TBC1D1: variants seen among roughly 807,000 people sequenced by gnomAD.
TBC1D1 encodes TBC1 (tre-2/USP6, BUB2, cdc16) domain family, member 1.
A neutral mutation model predicts 125.6 loss-of-function variants in TBC1D1; 89 were observed. The observed-to-expected ratio is 0.71, with a 90% CI of 0.60 to 0.85. The LOEUF (loss-of-function observed/expected upper bound fraction) is 0.85. Ranked by LOEUF, TBC1D1 falls within the 40% of genes least tolerant of loss-of-function variation. TBC1D1 has a pLI of 0.00. For synonymous variants in TBC1D1, 565 were observed against 564.1 expected (o/e 1.00, Z -0.02); for missense variants, 1,377 against 1,469.2 (o/e 0.94, Z 1.03).
intron 2 of TBC1D1, among the ~76,000 whole-genome samples, chr4:37,975,476 G>T (rs1732877816): frequency 6.6e-6 from 1 of 152,200 alleles, no homozygotes; most frequent in Non-Finnish European, 1.5e-5. Flanking sequence ...ACAAGAGGTG[G>T]AGTAGTAGAG....
At chr4:38,064,138 C>T (rs1753263555) in intron 12 of TBC1D1, among the ~76,000 whole-genome samples, 1 of 152,162 alleles carries the variant, frequency 6.6e-6, no homozygotes, top group Admixed American at 6.5e-5. Flanking sequence ...TTTCAAAATT[C>T]ATTATGTCAT....
chr4:38,016,781 G>A (rs975663311), intron 3 of TBC1D1, among the ~76,000 whole-genome samples: 1 of 152,174 alleles, frequency 6.6e-6, no homozygotes, highest in Admixed American at 6.5e-5. Flanking sequence ...CATGAAAGTT[G>A]TTTTCATCAG....
At chr4:37,950,344 C>T (rs924007822) in intron 2 of TBC1D1, among the ~76,000 whole-genome samples, 1 of 151,920 alleles carries the variant, frequency 6.6e-6, no homozygotes, top group Non-Finnish European at 1.5e-5. Flanking sequence ...AAAACAGAAG[C>T]ATGCCTGATA....
At chr4:38,071,638 T>G (rs907522105) in intron 12 of TBC1D1, among the ~76,000 whole-genome samples, 1 of 152,202 alleles carries the variant, frequency 6.6e-6, no homozygotes, top group African/African-American at 2.4e-5. Flanking sequence ...GGTTCCTGCC[T>G]CATGCCGTTG....
Position 38,039,104 on chromosome 4 carries a change from C to CTTTTT in TBC1D1, c.1413+3433_1413+3437dup, listed in dbSNP as rs776941680. Among the ~76,000 whole-genome samples the CTTTTT allele has an allele frequency of 6.8e-3, 349 of 51,570 alleles. 95 individuals are homozygous for CTTTTT. The highest frequency in any genetic ancestry group is 8.1e-3 in the East Asian group (11 of 1,350). 33.8% of individuals were successfully genotyped at this position (51,570 alleles called of 152,430 possible). A position where few individuals can be genotyped will look rare whatever the true frequency, so the allele number is the denominator to read the frequency against. ...AATTTCTTATAAATGGCATCATACTCTTTTTTTTTTTTTTTTTTTTTTTTT... is the reference window on the plus strand; with the variant it reads ...AATTTCTTATAAATGGCATCATACTCTTTTTTTTTTTTTTTTTTTTTTTTTTTTTT... On this transcript the variant is annotated intron_variant, in intron 8 of 19. Transcript: ENST00000261439.
At chr4:38,133,278 AG>A (rs1327117887) in intron 19 of TBC1D1, 21 bp downstream of exon 21, 3 of 1,602,870 alleles carry the variant, frequency 1.9e-6, no homozygotes, top group Non-Finnish European at 2.6e-6. Context: ...TTTATAAAGC[AG>A]CTTCCTGAAT....
At chr4:37,958,927 T>C (rs1729426354) in intron 2 of TBC1D1, among the ~76,000 whole-genome samples, 1 of 152,190 alleles carries the variant, frequency 6.6e-6, no homozygotes, top group African/African-American at 2.4e-5. Context: ...TGTCTTCCAC[T>C]GGCACATCAT....
At position 38,138,652 on chromosome 4, in the gene TBC1D1, G is replaced by C. The variant is rs1578902409; in HGVS notation, c.*1317G>C. On this transcript the variant is annotated 3_prime_UTR_variant, in exon 20 of 20. Transcript: ENST00000261439. ...CCTCTCTGATGTGCACTTAAGAGTG[G>C]GTTGCTTTCTCACAAAGATGGGGTT... is the stretch of plus-strand genomic sequence containing the variant. The C allele has an allele frequency of 6.6e-6, 1 of 152,610 alleles. No homozygotes were observed. Among genetic ancestry groups the C allele is most frequent in the Admixed American group, 6.5e-5 (1 of 15,270 alleles). 9.5% of individuals were successfully genotyped at this position (152,610 alleles called of 1,614,324 possible). A position where few individuals can be genotyped will look rare whatever the true frequency, so the allele number is the denominator to read the frequency against.
At chr4:37,927,874 C>T (rs1286686309) in intron 2 of TBC1D1, among the ~76,000 whole-genome samples, 2 of 152,208 alleles carry the variant, frequency 1.3e-5, no homozygotes, top group East Asian at 1.9e-4. Context: ...GAATAGCCAC[C>T]GCACTCCATC....
chr4:38,047,628 C>G (rs1261654202), intron 10 of TBC1D1, among the ~76,000 whole-genome samples: 2 of 152,054 alleles, frequency 1.3e-5, no homozygotes, highest in African/African-American at 4.8e-5. Context: ...AGAGAGATGA[C>G]AGATACAGAA....
chr4:37,957,146 C>T (rs77558171), intron 2 of TBC1D1, among the ~76,000 whole-genome samples: 2,084 of 152,242 alleles, frequency 0.014, 47 homozygotes, highest in African/African-American at 0.048. Context: ...ATAAGCCCCT[C>T]ATGAGTTTGT....
intron 12 of TBC1D1, among the ~76,000 whole-genome samples, chr4:38,087,223 A>G (rs1757636626): frequency 6.6e-6 from 1 of 152,240 alleles, no homozygotes; most frequent in African/African-American, 2.4e-5. Flanking sequence ...TGTCGTCCCC[A>G]AACAATACTT....
intron 19 of TBC1D1, among the ~76,000 whole-genome samples, chr4:38,135,051 TC>T (rs1250056980): frequency 6.6e-6 from 1 of 152,176 alleles, no homozygotes; most frequent in African/African-American, 2.4e-5. Flanking sequence ...TTTTCCATGA[TC>T]CCCTACGAAA....
intron 13 of TBC1D1, among the ~76,000 whole-genome samples, chr4:38,094,306 A>T (rs1758949058): frequency 6.6e-6 from 1 of 152,228 alleles, no homozygotes; most frequent in Admixed American, 6.5e-5. Context: ...ACAAAGTCCA[A>T]GTTGGCTCAG....
intron 12 of TBC1D1, among the ~76,000 whole-genome samples, chr4:38,063,624 A>AT (rs1560719699): frequency 6.6e-6 from 1 of 150,480 alleles, no homozygotes; most frequent in African/African-American, 2.4e-5. Context: ...CCACAGTCTA[A>AT]TTTTTTTTAT....
intron 7 of TBC1D1, among the ~76,000 whole-genome samples, chr4:38,028,397 C>T (rs924945181): frequency 2.0e-5 from 3 of 152,222 alleles, no homozygotes; most frequent in Admixed American, 1.3e-4. Flanking sequence ...AACTCCTGAC[C>T]TCATGATCTG....
chr4:37,915,899 C>G (rs2152263573), intron 2 of TBC1D1, among the ~76,000 whole-genome samples: 1 of 152,294 alleles, frequency 6.6e-6, no homozygotes, highest in African/African-American at 2.4e-5. Context: ...GGAATCTGCA[C>G]CATTCTCTTC....
chr4:38,134,969 G>A (rs1274634626), intron 19 of TBC1D1, among the ~76,000 whole-genome samples: 10 of 152,220 alleles, frequency 6.6e-5, no homozygotes, highest in Admixed American at 6.5e-4. Context: ...ACCAAGTTGA[G>A]TAAGACACTG....
chr4:37,931,085 T>G (rs1331997776), intron 2 of TBC1D1, among the ~76,000 whole-genome samples: 1 of 135,066 alleles, frequency 7.4e-6, no homozygotes, highest in Non-Finnish European at 1.6e-5. Context: ...TTGGGTTTTT[T>G]GGTTTTTGTT....
Sources: allele counts gnomAD v4.1 joint callset (sites outside exome capture counted in the v4.1 genomes callset), GRCh38; gene constraint gnomAD v4.1.1; transcripts MANE v1.5; gene names NCBI Gene and HGNC (gene_info 2026-07-23, HGNC 2026-07-21).